Variants in EXOC2 observed in about 807,000 individuals in gnomAD.
EXOC2 encodes SEC5-like 1.
Under a neutral mutation model 131.8 loss-of-function variants are expected in EXOC2, and 70 were observed. The ratio of observed to expected loss-of-function variants is 0.53; its 90% CI spans 0.44 to 0.65. EXOC2 has a LOEUF of 0.65. EXOC2 is among the 30% of genes least tolerant of loss of function. The pLI, the probability that EXOC2 is intolerant of heterozygous loss-of-function variation, is 0.00. For synonymous variants in EXOC2, 411 were observed against 398.4 expected (o/e 1.03, Z -0.38); for missense variants, 923 against 1,108.6 (o/e 0.83, Z 2.38).
chr6:664,680 A>G (rs1167310719), intron 1 of EXOC2, among the ~76,000 whole-genome samples: 1 of 152,140 alleles, frequency 6.6e-6, no homozygotes, highest in Non-Finnish European at 1.5e-5. Flanking sequence ...CAAAACCATA[A>G]AGTGGGGAAA....
At chr6:683,600 T>C (rs80253564) in intron 1 of EXOC2, among the ~76,000 whole-genome samples, 22,568 of 152,294 alleles carry the variant, frequency 0.15, 1,959 homozygotes, top group South Asian at 0.2. Flanking sequence ...TTGGTTAATT[T>C]CATTAAAACT....
At position 496,137 on chromosome 6, in the gene EXOC2, G is replaced by A. The variant is rs12661766; in HGVS notation, c.2559+1230C>T. 3.3e-4 allele frequency among the ~76,000 whole-genome samples: 50 copies of A among 152,126 alleles called. 2 individuals carry two copies. The highest frequency in any genetic ancestry group is 3.3e-3 in the East Asian group (17 of 5,186). ...AGTTTCCTTTACATCATCTGATGCC[G>A]CTGTGTTAAAATCCTTGTCTGCTAA... On this transcript the variant is annotated intron_variant, in intron 25 of 27. Coordinates refer to ENST00000230449, the MANE Select transcript of EXOC2 (RefSeq NM_018303.6).
intron 7 of EXOC2, among the ~76,000 whole-genome samples, chr6:605,862 C>T (rs919075167): frequency 1.3e-5 from 2 of 152,230 alleles, no homozygotes; most frequent in African/African-American, 2.4e-5. Flanking sequence ...TCCCTCTACA[C>T]ACTGCTTTAA....
At chr6:533,806 T>C (rs1408189047) in intron 22 of EXOC2, among the ~76,000 whole-genome samples, 1 of 152,118 alleles carries the variant, frequency 6.6e-6, no homozygotes, top group Non-Finnish European at 1.5e-5. Flanking sequence ...GCCGTTCTGC[T>C]TCTGCAGCAC....
chr6:596,079 C>A (rs551965546), intron 10 of EXOC2, among the ~76,000 whole-genome samples: 30 of 152,138 alleles, frequency 2.0e-4, no homozygotes, highest in Middle Eastern at 6.8e-3. Flanking sequence ...GCACAAGCGT[C>A]CTTTCATGGT....
Position 564,016 on chromosome 6 carries a change from G to A in EXOC2, c.1789+17C>T, listed in dbSNP as rs545180803. 2.2e-4 allele frequency: 350 copies of A among 1,612,278 alleles called. 6 individuals are homozygous for A. In the South Asian group the frequency reaches 3.7e-3, roughly 17 times the overall value. The stretch of plus-strand genomic sequence containing the variant: ...TAATCATTGCACAGTGAACGTCACC[G>A]ATTTATCAAAACACACCTTCCGCCG... On this transcript the variant is annotated intron_variant, in intron 16 of 27. Coordinates refer to ENST00000230449, the MANE Select transcript of EXOC2 (RefSeq NM_018303.6).
intron 4 of EXOC2, among the ~76,000 whole-genome samples, chr6:625,089 G>A (rs1439529898): frequency 6.6e-6 from 1 of 152,210 alleles, no homozygotes; most frequent in Non-Finnish European, 1.5e-5. Context: ...TCCATTAGAT[G>A]GCAGTGTAAG....
Position 564,680 on chromosome 6 carries a change from T to A in EXOC2, c.1532A>T (p.His511Leu), listed in dbSNP as rs369042616. 25 of 1,596,392 alleles carry A rather than the reference T, an allele frequency of 1.6e-5. No individual in the cohort carries two copies. The highest frequency in any genetic ancestry group is 2.0e-5 in the Non-Finnish European group (23 of 1,171,534). Residue 511 changes from histidine to leucine, a missense_variant, in exon 15 of 28, where the codon CAC becomes CTC. Coordinates refer to ENST00000230449, the MANE Select transcript of EXOC2 (RefSeq NM_018303.6). ...DFKKMIQEVM[H>L]SLVKLTRGAL... ...TCCGCGGGTAAGCTTCACCAGGGAG[T>A]GCATTACTTCCTGAATCATTTTCTA...
At chr6:522,445 T>C (rs897985293) in intron 23 of EXOC2, among the ~76,000 whole-genome samples, 1 of 143,976 alleles carries the variant, frequency 6.9e-6, no homozygotes, top group Non-Finnish European at 1.5e-5. Flanking sequence ...GCAAGGTGTC[T>C]CTAGGTCTCA....
At chr6:589,210 G>A (rs1373275011) in intron 11 of EXOC2, among the ~76,000 whole-genome samples, 2 of 152,222 alleles carry the variant, frequency 1.3e-5, no homozygotes, top group South Asian at 2.1e-4. Flanking sequence ...GACATTTGTC[G>A]AGCACCCGCA....
At position 690,197 on chromosome 6, in the gene EXOC2, A is replaced by T. The variant is rs554196338; in HGVS notation, c.-44+2822T>A. On this transcript the variant is annotated intron_variant, in intron 1 of 27. Transcript: ENST00000230449. ...TAGGAAGACCTCACCTCCACAAATAATTTTTAAAATGAGCCGAACCCGGTG... is the reference window on the plus strand; with the variant it reads ...TAGGAAGACCTCACCTCCACAAATATTTTTTAAAATGAGCCGAACCCGGTG... Among the ~76,000 whole-genome samples, 22 of 152,144 alleles carry T rather than the reference A, an allele frequency of 1.4e-4. No individual in the cohort carries two copies. The South Asian group carries it at 1.9e-3, about 13-fold the overall frequency.
At chr6:667,379 GAAGAA>G (rs1763668320) in intron 1 of EXOC2, among the ~76,000 whole-genome samples, 1 of 96,938 alleles carries the variant, frequency 1.0e-5, no homozygotes, top group African/African-American at 3.1e-5. Context: ...GTGATGACTG[GAAGAA>G]GAGATACCCA....
intron 1 of EXOC2, among the ~76,000 whole-genome samples, chr6:655,630 G>A (rs970209620): frequency 1.3e-5 from 2 of 152,102 alleles, no homozygotes; most frequent in East Asian, 1.9e-4. Flanking sequence ...TACAGAACAC[G>A]GCTTAACAAA....
intron 26 of EXOC2, among the ~76,000 whole-genome samples, chr6:490,412 T>C (rs931257950): frequency 6.6e-6 from 1 of 152,176 alleles, no homozygotes; most frequent in African/African-American, 2.4e-5. Flanking sequence ...CCACTAAAAA[T>C]GGCTGCTGGT....
At chr6:628,104 C>G (rs1052445123) in intron 4 of EXOC2, among the ~76,000 whole-genome samples, 2 of 152,160 alleles carry the variant, frequency 1.3e-5, no homozygotes, top group Non-Finnish European at 2.9e-5. Context: ...AGTTGTTTAC[C>G]TCCTCACTTC....
At position 599,125 on chromosome 6, in the gene EXOC2, CTT is replaced by C. The variant is rs1182149040; in HGVS notation, c.841_842del (p.Lys281ValfsTer10). The C allele has an allele frequency of 6.2e-7, 1 of 1,613,084 alleles. No homozygotes were observed. Among genetic ancestry groups the C allele is most frequent in the Non-Finnish European group, 8.5e-7 (1 of 1,179,488 alleles). ...TATTTAGAGGAAGGTTGAAAAGAAA[CTT>C]AAATCGCTGAAGCACATTGAGTGCA... ...RNALNVLQRF[K>X]FLFNLPLNIE... On this transcript the variant is annotated frameshift_variant, in exon 8 of 28. Coordinates refer to ENST00000230449, the MANE Select transcript of EXOC2 (RefSeq NM_018303.6). LOFTEE classifies it high-confidence loss of function.
chr6:650,307 AC>A (rs1311349058), intron 1 of EXOC2, among the ~76,000 whole-genome samples: 1 of 152,216 alleles, frequency 6.6e-6, no homozygotes, highest in Non-Finnish European at 1.5e-5. Flanking sequence ...TTATCTATAA[AC>A]AAGATGATTG....
intron 20 of EXOC2, 125 bp from the exon 21 acceptor site, chr6:554,045 C>CAT: frequency 3.8e-6 from 2 of 532,104 alleles, no homozygotes; most frequent in Non-Finnish European, 6.4e-6. Flanking sequence ...AGTCACATAA[C>CAT]TTTTTTTTTT....
At chr6:546,829 T>C (rs1418396255) in intron 22 of EXOC2, among the ~76,000 whole-genome samples, 2 of 152,248 alleles carry the variant, frequency 1.3e-5, no homozygotes, top group Non-Finnish European at 2.9e-5. Flanking sequence ...AACAGGAGGC[T>C]ACTAGTAGTT....
Sources: gnomAD v4.1 joint callset for allele counts (sites outside exome capture counted in the v4.1 genomes callset) on GRCh38, gnomAD v4.1.1 for gene constraint, MANE v1.5 for transcripts, NCBI Gene and HGNC (gene_info 2026-07-23, HGNC 2026-07-21) for gene names.